NME9: variants seen among roughly 807,000 people sequenced by gnomAD.
NME9 encodes the protein NME/NM23 family member 9.
A neutral mutation model predicts 44.4 loss-of-function variants in NME9; 48 were observed. The observed-to-expected ratio is 1.08, with a 90% CI of 0.86 to 1.37. The LOEUF is 1.37. Among genes scored for constraint, NME9 ranks in the 40% most tolerant of loss-of-function variants. NME9 has a pLI of 0.00. For missense variants in NME9, 325 were observed against 405.2 expected, an observed-to-expected ratio of 0.80 and a Z score of 1.70; for synonymous variants, 139 against 147.1, an observed-to-expected ratio of 0.94 and a Z score of 0.40.
intron 8 of NME9, among the ~76,000 whole-genome samples, chr3:138,273,515 A>T (rs2048978095): frequency 6.6e-6 from 1 of 152,124 alleles, no homozygotes; most frequent in South Asian, 2.1e-4. Flanking sequence ...CATTCCATAG[A>T]CCATCTCCCT....
chr3:138,284,342 T>A (rs1412334687), intron 8 of NME9: 19 of 927,648 alleles, frequency 2.0e-5, no homozygotes, highest in Non-Finnish European at 2.3e-5. Flanking sequence ...TCCATGTACC[T>A]TCAAGTGAAA....
At chr3:138,325,017 T>C in intron 1 of NME9, 87 bp from the exon 2 acceptor site, 1 of 1,071,544 alleles carries the variant, frequency 9.3e-7, no homozygotes, top group Non-Finnish European at 1.4e-6. Context: ...TTCTCTCTTC[T>C]ATCTCTGAAA....
At chr3:138,279,536 T>C (rs905586146) in intron 8 of NME9, among the ~76,000 whole-genome samples, 3 of 152,174 alleles carry the variant, frequency 2.0e-5, no homozygotes, top group African/African-American at 7.2e-5. Flanking sequence ...GGTTTTGGTA[T>C]TGGGATAATG....
intron 6 of NME9, among the ~76,000 whole-genome samples, chr3:138,313,888 G>A (rs1450353073): frequency 6.6e-6 from 1 of 152,124 alleles, no homozygotes. Context: ...AGAGTAGATT[G>A]GTGATTACCA....
intron 8 of NME9, chr3:138,290,474 G>T: frequency 8.8e-7 from 1 of 1,129,944 alleles, no homozygotes. Flanking sequence ...TAAGGCTCTA[G>T]ATTGTTAATT....
chr3:138,315,535 G>A lies in NME9; in HGVS notation c.376C>T (p.Arg126Trp), dbSNP rs1239163820. The change falls in exon 5 of 11, where the codon CGG becomes TGG. Residue 126 changes from arginine to tryptophan, a missense_variant. Arg to Trp is a moderately radical substitution (Grantham distance 101). Coordinates refer to ENST00000333911, the MANE Select transcript of NME9 (RefSeq NM_001349018.2). The part of the protein sequence containing the change: ...EKKVLAEGRE[R>W]KVIKDEALSD... Reference sequence around the variant, plus strand: ...AAGTGACCTCCAGTTACCACTTTCCGTTCTCTGCCTTCAGCCAGCACTTTC... The same window carrying A: ...AAGTGACCTCCAGTTACCACTTTCCATTCTCTGCCTTCAGCCAGCACTTTC... The A allele has an allele frequency of 1.1e-5, 17 of 1,535,866 alleles. No homozygotes were observed. Among genetic ancestry groups the A allele is most frequent in the Admixed American group, 5.9e-5 (3 of 50,980 alleles).
rs764938575 is a variant in NME9, at chr3:138,304,928, G to A, written c.736C>T (p.Arg246Ter). Residue 246 changes from arginine to a stop codon, truncating the protein, a stop_gained, in exon 9 of 11, where the codon CGA becomes TGA. Transcript: ENST00000333911. LOFTEE classifies it high-confidence loss of function. ...EGFEDVVTTW[R>*]TVMGPRDPNV... Reference sequence around the variant, plus strand: ...GGGTCACGGGGGCCCATGACGGTTCGCCAGGTAGTGACCACGTCCTCGAAG... The same window carrying A: ...GGGTCACGGGGGCCCATGACGGTTCACCAGGTAGTGACCACGTCCTCGAAG... 7 of 1,614,002 alleles carry A rather than the reference G, an allele frequency of 4.3e-6. No homozygotes were observed. The highest frequency in any genetic ancestry group is 2.7e-5 in the African/African-American group (2 of 74,900).
intron 8 of NME9, among the ~76,000 whole-genome samples, chr3:138,282,387 C>G (rs1357188798): frequency 2.0e-5 from 3 of 152,106 alleles, no homozygotes; most frequent in Non-Finnish European, 4.4e-5. Flanking sequence ...GTGGCTCATG[C>G]CTGTAATCCC....
At chr3:138,288,925 C>T (rs2050686446) in intron 8 of NME9, 2 of 721,610 alleles carry the variant, frequency 2.8e-6, no homozygotes, top group Non-Finnish European at 4.6e-6. Context: ...GCATGAGCCA[C>T]CTCACCTGGC....
At chr3:138,295,797 T>C (rs1165990319) in intron 8 of NME9, 4 of 1,575,272 alleles carry the variant, frequency 2.5e-6, no homozygotes, top group South Asian at 1.1e-5. Flanking sequence ...CATTGAACCA[T>C]AGGGTTTTTT....
At chr3:138,277,185 G>A (rs940399832) in intron 8 of NME9, among the ~76,000 whole-genome samples, 2 of 152,078 alleles carry the variant, frequency 1.3e-5, no homozygotes, top group African/African-American at 4.8e-5. Flanking sequence ...AGAAAGAATG[G>A]TCTTTTCAAG....
chr3:138,263,596 C>T (rs760408415), intron 8 of NME9: 6 of 738,216 alleles, frequency 8.1e-6, no homozygotes, highest in African/African-American at 1.7e-5. Context: ...CCGCCCCCAG[C>T]GCAAGATGAT....
At chr3:138,298,326 T>G (rs2051663919), downstream of NME9, 1 of 152,216 alleles carries the variant, frequency 6.6e-6, no homozygotes, top group Admixed American at 6.5e-5. Context: ...CTGGTAGTGT[T>G]TGGATAATAT....
intron 8 of NME9, chr3:138,284,493 T>C (rs759127728): frequency 6.8e-6 from 11 of 1,613,380 alleles, no homozygotes; most frequent in Non-Finnish European, 9.3e-6. Flanking sequence ...TTATGACCAA[T>C]GATGATATCC....
intron 8 of NME9, among the ~76,000 whole-genome samples, chr3:138,280,074 T>C (rs1240759007): frequency 6.6e-6 from 1 of 151,732 alleles, no homozygotes; most frequent in Non-Finnish European, 1.5e-5. Flanking sequence ...CTGCTAATTT[T>C]TGTATTTTTA....
At chr3:138,283,468 A>G (rs1293895601) in intron 8 of NME9, among the ~76,000 whole-genome samples, 3 of 152,208 alleles carry the variant, frequency 2.0e-5, no homozygotes, top group East Asian at 1.9e-4. Context: ...TGCCTTCTCT[A>G]TTCTCTGTTT....
intron 8 of NME9, chr3:138,272,857 G>T: frequency 9.8e-7 from 1 of 1,023,832 alleles, no homozygotes; most frequent in South Asian, 2.4e-5. Context: ...GGGCGACAGA[G>T]CAAGACTCTG....
intron 6 of NME9, among the ~76,000 whole-genome samples, chr3:138,308,833 A>C (rs2052468996): frequency 6.6e-6 from 1 of 151,770 alleles, no homozygotes; most frequent in African/African-American, 2.4e-5. Context: ...TGGAGACAAA[A>C]TATTTTATGG....
At chr3:138,271,700 A>C (rs1008151157) in intron 8 of NME9, among the ~76,000 whole-genome samples, 2 of 152,132 alleles carry the variant, frequency 1.3e-5, no homozygotes, top group Non-Finnish European at 2.9e-5. Context: ...TTATTATGTA[A>C]CTTGATGGCT....
Sources: gnomAD v4.1 joint callset for allele counts (sites outside exome capture counted in the v4.1 genomes callset) on GRCh38, gnomAD v4.1.1 for gene constraint, MANE v1.5 for transcripts, NCBI Gene and HGNC (gene_info 2026-07-23, HGNC 2026-07-21) for gene names.